Variants in MSH3 observed in about 807,000 individuals in gnomAD.
MSH3 encodes DNA mismatch repair protein Msh3.
In MSH3, 106 loss-of-function variants were observed where a neutral mutation model predicts 123.3. The ratio of observed to expected loss-of-function variants is 0.86; its 90% CI spans 0.73 to 1.01. The LOEUF is 1.01. MSH3 is among the 50% of genes least tolerant of loss of function. The probability of loss-of-function intolerance (pLI) is 0.00; values close to 1 mark genes in which losing one functional copy is unlikely to be tolerated. For synonymous variants in MSH3, 515 were observed against 481.4 expected (o/e 1.07, Z -0.91); for missense variants, 1,459 against 1,347.6 (o/e 1.08, Z -1.29).
chr5:80,794,377 G>A (rs1404857083), intron 19 of MSH3, among the ~76,000 whole-genome samples: 1 of 152,124 alleles, frequency 6.6e-6, no homozygotes, highest in South Asian at 2.1e-4. Flanking sequence ...TAAGTAGGGA[G>A]GGTGGACAAA....
intron 19 of MSH3, among the ~76,000 whole-genome samples, chr5:80,794,809 T>A (rs982050803): frequency 2.0e-5 from 3 of 152,076 alleles, no homozygotes; most frequent in Non-Finnish European, 4.4e-5. Flanking sequence ...CGATTGGGAA[T>A]CCTGAAGTTT....
intron 18 of MSH3, among the ~76,000 whole-genome samples, chr5:80,788,533 AGGCTT>A (rs1426157675): frequency 6.6e-6 from 1 of 151,352 alleles, no homozygotes; most frequent in African/African-American, 2.4e-5. Context: ...AAGTAAGACT[AGGCTT>A]GGTGGCTCAT....
At chr5:80,797,811 C>T (rs1743082056) in intron 19 of MSH3, among the ~76,000 whole-genome samples, 1 of 152,128 alleles carries the variant, frequency 6.6e-6, no homozygotes, top group South Asian at 2.1e-4. Context: ...CCGCCCCAGC[C>T]CCACCCACCA....
chr5:80,746,261 A>G (rs893793049), intron 12 of MSH3: 1 of 240,304 alleles, frequency 4.2e-6, no homozygotes, highest in Non-Finnish European at 8.3e-6. Context: ...TGTTTGTCTG[A>G]TATTAACAAT....
chr5:80,678,191 G>A (rs1185855443), intron 7 of MSH3, among the ~76,000 whole-genome samples: 1 of 152,192 alleles, frequency 6.6e-6, no homozygotes, highest in Non-Finnish European at 1.5e-5. Flanking sequence ...TAACAGTGTG[G>A]ATTGGGGAGT....
chr5:80,796,539 A>G (rs1321049800), intron 19 of MSH3, among the ~76,000 whole-genome samples: 1 of 152,202 alleles, frequency 6.6e-6, no homozygotes, highest in Non-Finnish European at 1.5e-5. Context: ...GTAAAATTCA[A>G]TTTAAAATAT....
intron 8 of MSH3, among the ~76,000 whole-genome samples, chr5:80,706,130 T>C (rs2112841487): frequency 6.6e-6 from 1 of 152,344 alleles, no homozygotes; most frequent in East Asian, 1.9e-4. Context: ...AGAGTTAGTA[T>C]GGTTTAAAAA....
chr5:80,706,175 C>T (rs1750719887), intron 8 of MSH3, among the ~76,000 whole-genome samples: 1 of 152,030 alleles, frequency 6.6e-6, no homozygotes, highest in African/African-American at 2.4e-5. Flanking sequence ...GAAACAGCTC[C>T]TTCTTGGGAA....
intron 19 of MSH3, among the ~76,000 whole-genome samples, chr5:80,808,285 A>G (rs370690136): frequency 3.3e-5 from 5 of 152,188 alleles, no homozygotes; most frequent in Admixed American, 6.5e-5. Context: ...TGATCTGCCA[A>G]TGACAGTTTT....
chr5:80,767,962 C>A lies in MSH3; in HGVS notation c.1926C>A (p.Val642=). ...CTACCCAAGAGTTCTTCTTGATTGT[C>A]AAAACTTTATATCACCTAAAGTCAG... ...KCSTQEFFLI[V]KTLYHLKSEF... The change falls in exon 14 of 24, where the codon GTC becomes GTA. Residue 642 remains valine, a synonymous_variant. Transcript: ENST00000265081. 1 of 1,612,558 alleles carries A rather than the reference C, an allele frequency of 6.2e-7. No individual in the cohort carries two copies. Among genetic ancestry groups the A allele is most frequent in the South Asian group, 1.1e-5 (1 of 91,036 alleles).
chr5:80,775,413 A>G (rs1485573840), intron 15 of MSH3, among the ~76,000 whole-genome samples: 1 of 152,202 alleles, frequency 6.6e-6, no homozygotes, highest in East Asian at 1.9e-4. Flanking sequence ...AGAGGTGGTT[A>G]ATGAAAAAGC....
intron 21 of MSH3, among the ~76,000 whole-genome samples, chr5:80,860,472 T>C (rs1161963312): frequency 6.6e-6 from 1 of 151,682 alleles, no homozygotes; most frequent in East Asian, 1.9e-4. Context: ...CTCAAAACTT[T>C]AGATATTTTA....
intron 10 of MSH3, among the ~76,000 whole-genome samples, chr5:80,734,426 C>T (rs548738245): frequency 1.4e-4 from 21 of 152,236 alleles, no homozygotes; most frequent in African/African-American, 4.8e-4. Flanking sequence ...TTGCACACTC[C>T]AAGTGGGTGA....
chr5:80,784,595 A>T (rs1408680699), intron 17 of MSH3, among the ~76,000 whole-genome samples: 1 of 152,180 alleles, frequency 6.6e-6, no homozygotes, highest in African/African-American at 2.4e-5. Context: ...CAAAATACAC[A>T]ATTAAGCTAT....
At chr5:80,738,831 G>A (rs1471537093) in intron 10 of MSH3, among the ~76,000 whole-genome samples, 3 of 152,182 alleles carry the variant, frequency 2.0e-5, no homozygotes, top group Admixed American at 2.0e-4. Context: ...CTTTTACTAA[G>A]TGATTAGGTT....
chr5:80,873,026 T>C, intron 22 of MSH3, 90 bp from the exon 23 acceptor site: 2 of 1,156,512 alleles, frequency 1.7e-6, no homozygotes, highest in East Asian at 2.4e-5. Flanking sequence ...TACGATTTAA[T>C]AAAGTTATGA....
chr5:80,794,532 A>G (rs1419587290), intron 19 of MSH3, among the ~76,000 whole-genome samples: 1 of 152,176 alleles, frequency 6.6e-6, no homozygotes, highest in Non-Finnish European at 1.5e-5. Context: ...ATGAATATGT[A>G]GGGAGTAGTT....
chr5:80,803,895 A>G (rs1043715611), intron 19 of MSH3, among the ~76,000 whole-genome samples: 1 of 151,980 alleles, frequency 6.6e-6, no homozygotes, highest in Non-Finnish European at 1.5e-5. Context: ...TGGGTTCTCT[A>G]TTCTGTTTCA....
At chr5:80,746,245 C>A in intron 12 of MSH3, 1 of 251,476 alleles carries the variant, frequency 4.0e-6, no homozygotes. Context: ...TACTGCATTT[C>A]ACTGCTGTTT....
Sources: gnomAD v4.1 joint callset for allele counts (sites outside exome capture counted in the v4.1 genomes callset) on GRCh38, gnomAD v4.1.1 for gene constraint, MANE v1.5 for transcripts, NCBI Gene and HGNC (gene_info 2026-07-23, HGNC 2026-07-21) for gene names.